ZNF425: variants seen among roughly 807,000 people sequenced by gnomAD.
ZNF425 encodes the protein zinc finger protein 425.
Under a neutral mutation model 17.0 loss-of-function variants are expected in ZNF425, and 21 were observed. The ratio of observed to expected loss-of-function variants is 1.23; its 90% confidence interval spans 0.88 to 1.78. The LOEUF is 1.78. Ranked by LOEUF, ZNF425 falls within the 40% of genes most tolerant of loss-of-function variation. ZNF425 has a pLI of 0.00. For missense variants in ZNF425, 868 were observed against 967.3 expected, an observed-to-expected ratio of 0.90 and a Z score of 1.36; for synonymous variants, 433 against 384.1, an observed-to-expected ratio of 1.13 and a Z score of -1.49.
chr7:149,118,445 T>C, intron 1 of ZNF425, 97 bp from the exon 2 acceptor site: 1 of 1,391,936 alleles, frequency 7.2e-7, no homozygotes, highest in Non-Finnish European at 1.0e-6. Context: ...GAAAACATGT[T>C]AATTATTTCT....
chr7:149,114,699 A>G (rs1054147684), intron 2 of ZNF425, among the ~76,000 whole-genome samples: 2 of 151,534 alleles, frequency 1.3e-5, no homozygotes, highest in Non-Finnish European at 2.9e-5. Context: ...GCCCGGCCCA[A>G]TATTTCACAA....
chr7:149,118,264 T>C lies in ZNF425; in HGVS notation c.103A>G (p.Lys35Glu). Residue 35 changes from lysine (K) to glutamate (E), a missense_variant, in exon 2 of 4, where the codon AAG (lysine) becomes GAG (glutamate). Around this residue, in one of 5 missense-constraint regions of ZNF425, gnomAD observed 179 missense variants for 216.3 expected, o/e 0.83. Transcript: ENST00000378061. ...ILEKWQKQMY[K>E]QEMKTNYETL... The stretch of plus-strand genomic sequence containing the variant: ...TCGTAATTGGTCTTCATCTCTTGCT[T>C]ATACATTTGCTTCTGCCACTTCTCC... 6.2e-7 allele frequency: 1 copy of C among 1,614,132 alleles called. No individual in the cohort carries two copies. The highest frequency in any genetic ancestry group is 8.5e-7 in the Non-Finnish European group (1 of 1,180,024).
chr7:149,117,941 C>T (rs1005834554), intron 2 of ZNF425, among the ~76,000 whole-genome samples: 5 of 152,038 alleles, frequency 3.3e-5, no homozygotes, highest in Admixed American at 6.6e-5. Context: ...CGTGAGCCAC[C>T]GCGCCTGGCC....
At chr7:149,116,840 C>T (rs914767384) in intron 2 of ZNF425, among the ~76,000 whole-genome samples, 17 of 152,152 alleles carry the variant, frequency 1.1e-4, no homozygotes, top group Non-Finnish European at 4.4e-5. Context: ...TTAAAATTGT[C>T]TTCCCCCTAA....
In ZNF425 at chr7:149,105,034, G is replaced by A. The variant is rs768400212; in HGVS notation, c.837C>T (p.Cys279=). The change falls in exon 4 of 4, where the codon TGC becomes TGT. Residue 279 remains cysteine, a synonymous_variant. Transcript: ENST00000378061. ...TGQRPYPCPE[C]DKTFRYRANL... is the part of the protein sequence containing the mutation. ...TGGCCCTGTACCGGAAGGTCTTGTC[G>A]CACTCAGGGCATGGGTAGGGCCGCT... 5.6e-6 allele frequency: 9 copies of A among 1,614,202 alleles called. No homozygotes were observed. Among genetic ancestry groups the A allele is most frequent in the East Asian group, 2.2e-5 (1 of 44,886 alleles).
intron 2 of ZNF425, among the ~76,000 whole-genome samples, chr7:149,114,001 G>A (rs1179217576): frequency 1.6e-5 from 2 of 128,614 alleles, no homozygotes; most frequent in African/African-American, 2.8e-5. Context: ...GTGATAGAGA[G>A]AGACTCTGTC....
At position 149,122,049 on chromosome 7, in the gene ZNF425, G is replaced by A. The variant is rs900831076; in HGVS notation, c.19-3701C>T. On this transcript the variant is annotated intron_variant, in intron 1 of 3. Coordinates refer to ENST00000378061, the MANE Select transcript of ZNF425 (RefSeq NM_001001661.3). Reference sequence around the variant, plus strand: ...TTCTGCCTCAGCCTCCTGAGTAGCTGGGACTACAGGCACCCGTCACCACCG... The same window carrying A: ...TTCTGCCTCAGCCTCCTGAGTAGCTAGGACTACAGGCACCCGTCACCACCG... Among the ~76,000 whole-genome samples the A allele has an allele frequency of 3.3e-5, 5 of 150,674 alleles. No homozygotes were observed. In the East Asian group the frequency reaches 5.8e-4, roughly 18 times the overall value.
At chr7:149,109,120 C>T (rs1826131575) in intron 3 of ZNF425, among the ~76,000 whole-genome samples, 1 of 150,436 alleles carries the variant, frequency 6.6e-6, no homozygotes, top group Admixed American at 6.6e-5. Flanking sequence ...GCTCTGTTGC[C>T]AGGCTGGAGT....
Position 149,104,597 on chromosome 7 carries a change from A to G in ZNF425, c.1274T>C (p.Leu425Pro), listed in dbSNP as rs767224297. The G allele has an allele frequency of 1.7e-5, 28 of 1,613,766 alleles. No individual in the cohort carries two copies. Among genetic ancestry groups the G allele is most frequent in the Non-Finnish European group, 1.9e-5 (23 of 1,179,952 alleles). ...SCPECNKSFR[L>P]KRSLKAHGLQ... ...CCCGTGGGCTTTCAGGCTTCTCTTG[A>G]GGCGGAAACTTTTGTTACACTCGGG... The change falls in exon 4 of 4, where the codon CTC becomes CCC. Residue 425 changes from leucine (L) to proline (P), a missense_variant. Transcript: ENST00000378061. This position sits in a 1 kb window ranked among gnomAD's most constrained non-coding sequence, Gnocchi z 4.3.
intron 3 of ZNF425, among the ~76,000 whole-genome samples, chr7:149,111,618 A>T (rs1826178377): frequency 7.6e-6 from 1 of 130,744 alleles, no homozygotes; most frequent in African/African-American, 2.6e-5. Context: ...AAAAAAAAAA[A>T]AAATTATATA....
At chr7:149,112,510 G>GT (rs1194330737) in intron 2 of ZNF425, 3 of 421,928 alleles carry the variant, frequency 7.1e-6, no homozygotes, top group Non-Finnish European at 1.3e-5. Flanking sequence ...GCACACGCTT[G>GT]TAATACCAGC....
At position 149,104,446 on chromosome 7, in the gene ZNF425, G is replaced by T; in HGVS notation, c.1425C>A (p.Cys475Ter). Residue 475 changes from cysteine (C) to a stop codon, truncating the protein, a stop_gained, in exon 4 of 4, where the codon TGC (cysteine) becomes TGA (stop). Coordinates refer to ENST00000378061, the MANE Select transcript of ZNF425 (RefSeq NM_001001661.3). LOFTEE classifies it low-confidence loss of function (END_TRUNC). The surrounding 1 kb of genome is among the most constrained non-coding windows in gnomAD (Gnocchi z 4.3). ...SEQKPFPCAECGKRFTRPSKL... is the reference protein window; with the variant it reads ...SEQKPFPCAE Reference sequence around the variant, plus strand: ...TGGAAGGCCGCGTGAAGCGCTTGCCGCACTCGGCGCAGGGGAAGGGCTTTT... The same window carrying T: ...TGGAAGGCCGCGTGAAGCGCTTGCCTCACTCGGCGCAGGGGAAGGGCTTTT... 1.2e-6 allele frequency: 2 copies of T among 1,600,522 alleles called. No individual in the cohort carries two copies.
intron 1 of ZNF425, 35 bp downstream of exon 1, chr7:149,126,161 C>A: frequency 6.2e-7 from 1 of 1,613,100 alleles, no homozygotes; most frequent in Non-Finnish European, 8.5e-7. Context: ...ACCCGAGTTT[C>A]GACAGAGCCT....
At position 149,105,315 on chromosome 7, in the gene ZNF425, C is replaced by T. The variant is rs1264180214; in HGVS notation, c.556G>A (p.Gly186Arg). The change falls in exon 4 of 4, where the codon GGG becomes AGG. Residue 186 changes from glycine to arginine, a missense_variant. Physicochemically the swap from Gly to Arg is moderately radical, Grantham distance 125. Coordinates refer to ENST00000378061, the MANE Select transcript of ZNF425 (RefSeq NM_001001661.3). The part of the protein sequence containing the change: ...ETPGRLEIPT[G>R]PRCYSCYVCR... ...ACATAGCAGGAATAGCATCTTGGCC[C>T]TGTGGGAATTTCTAAGCGCCCTGGG... is the stretch of plus-strand genomic sequence containing the variant. The T allele has an allele frequency of 6.2e-7, 1 of 1,614,018 alleles. No homozygotes were observed. The highest frequency in any genetic ancestry group is 8.5e-7 in the Non-Finnish European group (1 of 1,180,022).
chr7:149,111,238 C>T (rs1053470657), intron 3 of ZNF425, among the ~76,000 whole-genome samples: 7 of 150,772 alleles, frequency 4.6e-5, no homozygotes, highest in South Asian at 2.1e-4. Context: ...CACTTGAGGT[C>T]GGGAGTTTGA....
chr7:149,122,521 A>G (rs1826375878), intron 1 of ZNF425, among the ~76,000 whole-genome samples: 1 of 152,040 alleles, frequency 6.6e-6, no homozygotes, highest in South Asian at 2.1e-4. Flanking sequence ...TCCTTCAAAA[A>G]GCAAGTTTTA....
intron 2 of ZNF425, among the ~76,000 whole-genome samples, chr7:149,115,609 G>C (rs1258131146): frequency 1.3e-5 from 2 of 150,974 alleles, no homozygotes; most frequent in Non-Finnish European, 2.9e-5. Context: ...AGAATAGCTT[G>C]AAACTGGGAG....
At chr7:149,118,131 A>G in intron 2 of ZNF425, 91 bp downstream of exon 2, 1 of 1,441,770 alleles carries the variant, frequency 6.9e-7, no homozygotes, top group Admixed American at 1.8e-5. Flanking sequence ...GCACAGTATC[A>G]TATTCAACCA....
At chr7:149,116,784 G>A (rs75073044) in intron 2 of ZNF425, among the ~76,000 whole-genome samples, 6,723 of 151,868 alleles carry the variant, frequency 0.044, 498 homozygotes, top group African/African-American at 0.15. Flanking sequence ...AACAACCTGA[G>A]CCCAGGCACT....
Sources: allele counts gnomAD v4.1 joint callset (sites outside exome capture counted in the v4.1 genomes callset), GRCh38; gene constraint gnomAD v4.1.1; regional missense constraint gnomAD v4.1.1; non-coding constraint Gnocchi (gnomAD v3.1); transcripts MANE v1.5; gene names NCBI Gene and HGNC (gene_info 2026-07-23, HGNC 2026-07-21).